Variants in PTPRM observed in about 807,000 individuals in gnomAD.
PTPRM encodes receptor-type tyrosine-protein phosphatase mu.
Under a neutral mutation model 186.7 loss-of-function variants are expected in PTPRM, and 47 were observed. The observed-to-expected ratio is 0.25, with a 90% confidence interval of 0.20 to 0.32. The LOEUF is 0.32. Among genes scored for constraint, PTPRM ranks in the 10% least tolerant of loss-of-function variants. The pLI is 1.00. For missense variants in PTPRM, 1,494 were observed against 1,865.0 expected, an observed-to-expected ratio of 0.80 and a Z score of 3.66; for synonymous variants, 668 against 674.9, an observed-to-expected ratio of 0.99 and a Z score of 0.16.
intron 1 of PTPRM, among the ~76,000 whole-genome samples, chr18:7,773,617 G>A (rs1158909785): frequency 1.5e-5 from 2 of 136,430 alleles, no homozygotes; most frequent in East Asian, 4.1e-4. Context: ...ACAGATTTTC[G>A]CCCTGTCGCC....
intron 14 of PTPRM, among the ~76,000 whole-genome samples, chr18:8,234,558 C>G (rs2094322688): frequency 6.6e-6 from 1 of 152,062 alleles, no homozygotes; most frequent in Non-Finnish European, 1.5e-5. Flanking sequence ...TCCTTCTTAA[C>G]CTGTTGATAT....
chr18:8,018,615 A>G (rs1481935504), intron 7 of PTPRM, among the ~76,000 whole-genome samples: 2 of 152,130 alleles, frequency 1.3e-5, no homozygotes. Flanking sequence ...CTGAGTGTAA[A>G]TTGATGGGCA....
At chr18:8,253,536 G>T (rs184250357) in intron 19 of PTPRM, 122 bp downstream of exon 19, 2 of 926,396 alleles carry the variant, frequency 2.2e-6, no homozygotes, top group South Asian at 3.6e-5. Context: ...GCCAGAAAGA[G>T]ATGAAGTACA....
chr18:8,338,661 T>G (rs2095454984), intron 22 of PTPRM, among the ~76,000 whole-genome samples: 1 of 152,210 alleles, frequency 6.6e-6, no homozygotes, highest in Non-Finnish European at 1.5e-5. Flanking sequence ...ACCTATTTCA[T>G]AGGATGGTGT....
chr18:8,342,359 G>A (rs1423054967), intron 22 of PTPRM, among the ~76,000 whole-genome samples: 1 of 152,216 alleles, frequency 6.6e-6, no homozygotes, highest in Non-Finnish European at 1.5e-5. Context: ...GTGTTACTGT[G>A]ATCAGTATAT....
intron 7 of PTPRM, chr18:8,049,538 C>G (rs188460257): frequency 6.6e-6 from 1 of 151,952 alleles, no homozygotes; most frequent in African/African-American, 2.4e-5. Flanking sequence ...TATCCTTTTA[C>G]CAAATATGTT....
intron 23 of PTPRM, among the ~76,000 whole-genome samples, chr18:8,356,144 C>T (rs2095562075): frequency 6.6e-6 from 1 of 152,194 alleles, no homozygotes; most frequent in Non-Finnish European, 1.5e-5. Flanking sequence ...GCACTGAAGC[C>T]AGCCTGCAGC....
In PTPRM at chr18:7,741,559, A is replaced by T. The variant is rs1411361286; in HGVS notation, c.74-32590A>T. ...ACTGATATTTTCAGTTAACGAAAAC[A>T]CATCGGTATTGGACTTTGTTTTTTT... On this transcript the variant is annotated intron_variant, in intron 1 of 32. Coordinates refer to ENST00000580170, the MANE Select transcript of PTPRM (RefSeq NM_001105244.2). The T allele has an allele frequency of 2.0e-5, 3 of 152,244 alleles. No individual in the cohort carries two copies. The East Asian group carries it at 5.8e-4, about 29-fold the overall frequency. The allele number at this position is 152,244 out of a possible 1,614,324, so 9.4% of individuals were successfully genotyped here.
intron 1 of PTPRM, among the ~76,000 whole-genome samples, chr18:7,616,779 C>G (rs1409344407): frequency 1.3e-5 from 2 of 152,168 alleles, no homozygotes; most frequent in Non-Finnish European, 2.9e-5. Flanking sequence ...CCCCATCCTG[C>G]CTGTCTTCCC....
intron 1 of PTPRM, among the ~76,000 whole-genome samples, chr18:7,635,096 G>C (rs755794176): frequency 6.6e-6 from 1 of 152,002 alleles, no homozygotes; most frequent in Non-Finnish European, 1.5e-5. Flanking sequence ...GAGATCAGTA[G>C]CTAAATATAA....
chr18:7,795,536 T>C (rs1055385559), intron 2 of PTPRM, among the ~76,000 whole-genome samples: 25 of 152,068 alleles, frequency 1.6e-4, no homozygotes, highest in Admixed American at 1.4e-3. Context: ...GTAAACTCTT[T>C]GTTATGTCTT....
Position 7,934,866 on chromosome 18 carries a change from G to T in PTPRM, c.663+8183G>T, listed in dbSNP as rs1008635600. 2.0e-5 allele frequency among the ~76,000 whole-genome samples: 3 copies of T among 152,302 alleles called. No individual in the cohort carries two copies. In the East Asian group the frequency reaches 5.8e-4, roughly 29 times the overall value. On this transcript the variant is annotated intron_variant, in intron 5 of 32. Coordinates refer to ENST00000580170, the MANE Select transcript of PTPRM (RefSeq NM_001105244.2). The stretch of plus-strand genomic sequence containing the variant: ...GTTTGGTACTGCAGAAAAAGACATA[G>T]ATAGTTCCTCATGAATTCATAAGTA...
chr18:8,404,230 T>A (rs1016219664), intron 32 of PTPRM: 1 of 152,262 alleles, frequency 6.6e-6, no homozygotes, highest in Admixed American at 6.5e-5. Flanking sequence ...TTTCTTGTTA[T>A]GTGAGCCTTC....
rs184441396 is a variant in PTPRM, at chr18:7,711,984, T to G, written c.74-62165T>G. The stretch of plus-strand genomic sequence containing the variant: ...TCCTAGCACAGCATTCAAGCTCCAC[T>G]AAGGGTCAGACTGCCTCCATAAGTG... On this transcript the variant is annotated intron_variant, in intron 1 of 32. Transcript: ENST00000580170. Among the ~76,000 whole-genome samples the G allele has an allele frequency of 2.6e-3, 402 of 152,260 alleles. 9 individuals carry two copies. The highest frequency in any genetic ancestry group is 0.024 in the Admixed American group (367 of 15,302).
intron 19 of PTPRM, among the ~76,000 whole-genome samples, chr18:8,295,362 G>A (rs2095085460): frequency 6.6e-6 from 1 of 152,124 alleles, no homozygotes; most frequent in Non-Finnish European, 1.5e-5. Flanking sequence ...AACACCACAG[G>A]TGAGATGGAG....
chr18:8,370,126 C>A (rs1023634548), intron 23 of PTPRM, among the ~76,000 whole-genome samples: 2 of 148,978 alleles, frequency 1.3e-5, no homozygotes, highest in Non-Finnish European at 3.0e-5. Context: ...GAGGTGGTCA[C>A]GTGTTCCTGC....
intron 2 of PTPRM, among the ~76,000 whole-genome samples, chr18:7,821,648 C>A (rs1490297686): frequency 6.6e-6 from 1 of 152,078 alleles, no homozygotes; most frequent in East Asian, 1.9e-4. Flanking sequence ...TAAAATAGAA[C>A]AATTATAATA....
chr18:7,797,494 G>A (rs575605147), intron 2 of PTPRM, among the ~76,000 whole-genome samples: 1 of 152,180 alleles, frequency 6.6e-6, no homozygotes, highest in Non-Finnish European at 1.5e-5. Flanking sequence ...GTGTAACGTT[G>A]CAGTGATCTT....
chr18:7,730,002 C>T (rs904697631), intron 1 of PTPRM, among the ~76,000 whole-genome samples: 1 of 152,030 alleles, frequency 6.6e-6, no homozygotes, highest in South Asian at 2.1e-4. Flanking sequence ...AAAAAATCTG[C>T]GTTGGCTCTG....
Sources: allele counts gnomAD v4.1 joint callset (sites outside exome capture counted in the v4.1 genomes callset), GRCh38; gene constraint gnomAD v4.1.1; transcripts MANE v1.5; gene names NCBI Gene and HGNC (gene_info 2026-07-23, HGNC 2026-07-21).